Variants in ZNF573 observed in about 807,000 individuals in gnomAD.
The protein encoded by ZNF573 is zinc finger protein 573.
A neutral mutation model predicts 57.4 loss-of-function variants in ZNF573; 41 were observed. That is an observed-to-expected ratio of 0.71 (90% CI 0.56 to 0.93). ZNF573 has a LOEUF of 0.93. Ranked by LOEUF, ZNF573 falls within the 40% of genes least tolerant of loss-of-function variation. The pLI is 0.00. For synonymous variants in ZNF573, 249 were observed against 261.0 expected, an observed-to-expected ratio of 0.95 and a Z score of 0.44; for missense variants, 730 against 794.8, an observed-to-expected ratio of 0.92 and a Z score of 0.98.
chr19:37,744,833 G>A (rs1193854652), intron 4 of ZNF573, among the ~76,000 whole-genome samples: 1 of 151,524 alleles, frequency 6.6e-6, no homozygotes. Flanking sequence ...CTAGGTTGGA[G>A]TGCAGTGGTG....
intron 4 of ZNF573, among the ~76,000 whole-genome samples, chr19:37,749,808 A>G (rs920567539): frequency 3.3e-5 from 5 of 152,178 alleles, no homozygotes; most frequent in African/African-American, 1.2e-4. Flanking sequence ...CTGCACAAAC[A>G]CAGTAAGATG....
At chr19:37,764,224 G>C (rs2045579291) in intron 4 of ZNF573, among the ~76,000 whole-genome samples, 1 of 151,470 alleles carries the variant, frequency 6.6e-6, no homozygotes, top group South Asian at 2.1e-4. Context: ...AGTTTGGCCA[G>C]GAAGTTGCCA....
chr19:37,762,447 A>G (rs1198347971), intron 4 of ZNF573, among the ~76,000 whole-genome samples: 1 of 152,186 alleles, frequency 6.6e-6, no homozygotes, highest in East Asian at 1.9e-4. Flanking sequence ...GGTTAACAAA[A>G]CATTTTCTAA....
At chr19:37,763,325 G>A (rs1041846754) in intron 4 of ZNF573, among the ~76,000 whole-genome samples, 6 of 151,456 alleles carry the variant, frequency 4.0e-5, no homozygotes, top group Non-Finnish European at 8.8e-5. Flanking sequence ...GCTCAAGAGT[G>A]TAATCCCAGC....
At chr19:37,760,289 A>C (rs112176024) in intron 4 of ZNF573, among the ~76,000 whole-genome samples, 1,571 of 152,278 alleles carry the variant, frequency 0.01, 12 homozygotes, top group South Asian at 0.029. Flanking sequence ...AGAAAATATA[A>C]GATAATCCTA....
chr19:37,762,719 A>C (rs1168711289), intron 4 of ZNF573, among the ~76,000 whole-genome samples: 1 of 152,046 alleles, frequency 6.6e-6, no homozygotes, highest in African/African-American at 2.4e-5. Flanking sequence ...AAGACCCTGG[A>C]AACGATGACT....
Position 37,739,475 on chromosome 19 carries a change from A to C in ZNF573, c.1015T>G (p.Tyr339Asp), listed in dbSNP as rs769794759. 6.2e-7 allele frequency: 1 copy of C among 1,614,044 alleles called. No individual in the cohort carries two copies. The highest frequency in any genetic ancestry group is 8.5e-7 in the Non-Finnish European group (1 of 1,180,000). ...PYECKECGKG[Y>D]TTASYFLLHQ... The stretch of plus-strand genomic sequence containing the variant: ...AGAAGAAAGTATGAGGCAGTGGTAT[A>C]GCCCTTCCCACATTCTTTACACTCA... Residue 339 changes from tyrosine to aspartate, a missense_variant, in exon 5 of 5, where the codon TAT becomes GAT. Transcript: ENST00000536220.
intron 4 of ZNF573, among the ~76,000 whole-genome samples, chr19:37,758,009 C>G (rs1228172087): frequency 6.7e-6 from 1 of 149,840 alleles, no homozygotes; most frequent in Non-Finnish European, 1.5e-5. Flanking sequence ...CACTTGGACA[C>G]AGGAAGGGGA....
intron 4 of ZNF573, among the ~76,000 whole-genome samples, chr19:37,756,772 A>G (rs1289195839): frequency 2.0e-5 from 3 of 151,902 alleles, no homozygotes; most frequent in African/African-American, 7.3e-5. Flanking sequence ...AGAATAATAA[A>G]ATGCTACTAT....
At chr19:37,777,035 G>A (rs1383794554) in intron 1 of ZNF573, among the ~76,000 whole-genome samples, 2 of 152,286 alleles carry the variant, frequency 1.3e-5, no homozygotes, top group Admixed American at 6.5e-5. Flanking sequence ...TACACTACTG[G>A]TGGGAACAAA....
At chr19:37,766,854 A>C (rs1341981292) in intron 4 of ZNF573, among the ~76,000 whole-genome samples, 4 of 152,232 alleles carry the variant, frequency 2.6e-5, no homozygotes, top group African/African-American at 9.6e-5. Flanking sequence ...AAATCGATTA[A>C]GTGTAACAGT....
intron 4 of ZNF573, among the ~76,000 whole-genome samples, chr19:37,761,456 C>T (rs967848116): frequency 6.6e-6 from 1 of 152,158 alleles, no homozygotes; most frequent in South Asian, 2.1e-4. Context: ...AGCCCTCTTC[C>T]CCAAGGCAAG....
At chr19:37,742,248 A>T (rs987324254) in intron 4 of ZNF573, among the ~76,000 whole-genome samples, 10 of 152,168 alleles carry the variant, frequency 6.6e-5, no homozygotes, top group African/African-American at 2.2e-4. Flanking sequence ...TGGCCATACT[A>T]CCCAAAGTAA....
At chr19:37,769,898 A>C (rs1359665569) in intron 4 of ZNF573, 107 bp downstream of exon 4, 1 of 911,438 alleles carries the variant, frequency 1.1e-6, no homozygotes, top group Non-Finnish European at 1.8e-6. Context: ...TTTGCTCCAC[A>C]AGTCTGGGTG....
At chr19:37,764,718 C>T (rs1363247124) in intron 4 of ZNF573, among the ~76,000 whole-genome samples, 2 of 151,704 alleles carry the variant, frequency 1.3e-5, no homozygotes, top group East Asian at 3.9e-4. Context: ...ATTCTCCTGC[C>T]TCAGCCTCCC....
intron 4 of ZNF573, among the ~76,000 whole-genome samples, chr19:37,760,428 A>G (rs1262105146): frequency 2.6e-5 from 4 of 152,252 alleles, no homozygotes; most frequent in African/African-American, 9.6e-5. Context: ...AGGATAGTAT[A>G]GGATTATAAC....
intron 1 of ZNF573, among the ~76,000 whole-genome samples, chr19:37,777,818 G>A (rs2145342569): frequency 6.6e-6 from 1 of 150,472 alleles, no homozygotes; most frequent in East Asian, 2.0e-4. Context: ...GGCAGATCAC[G>A]AGGTCAGGAG....
chr19:37,749,782 G>A (rs1281814553), intron 4 of ZNF573, among the ~76,000 whole-genome samples: 2 of 152,124 alleles, frequency 1.3e-5, no homozygotes, highest in Admixed American at 6.6e-5. Context: ...AGGTACCTCA[G>A]CTATAGCTCT....
chr19:37,771,025 C>T (rs2045654215), intron 3 of ZNF573, among the ~76,000 whole-genome samples: 1 of 150,720 alleles, frequency 6.6e-6, no homozygotes, highest in East Asian at 1.9e-4. Flanking sequence ...TGAATTATAA[C>T]TTTCAACAAT....
Sources: allele counts gnomAD v4.1 joint callset (sites outside exome capture counted in the v4.1 genomes callset), GRCh38; gene constraint gnomAD v4.1.1; transcripts MANE v1.5; gene names NCBI Gene and HGNC (gene_info 2026-07-23, HGNC 2026-07-21).